The following SCUBE1 variants were observed in gnomAD, a reference collection of about 807,000 sequenced individuals.
SCUBE1 encodes the protein signal peptide, CUB domain and EGF like domain containing 1.
A neutral mutation model predicts 124.4 loss-of-function variants in SCUBE1; 59 were observed. That is an observed-to-expected ratio of 0.47 (90% CI 0.38 to 0.59). The LOEUF is 0.59. SCUBE1 is among the 20% of genes least tolerant of loss of function. SCUBE1 has a pLI of 0.00. For synonymous variants in SCUBE1, 545 were observed against 550.9 expected (o/e 0.99, Z 0.15); for missense variants, 1,150 against 1,371.2 (o/e 0.84, Z 2.55).
chr22:43,238,466 G>A (rs1332993813), intron 7 of SCUBE1: 11 of 557,598 alleles, frequency 2.0e-5, no homozygotes, highest in South Asian at 1.7e-4. Context: ...TCGGAAACGC[G>A]CTACATTCTA....
intron 1 of SCUBE1, among the ~76,000 whole-genome samples, chr22:43,340,964 G>A (rs1163517836): frequency 6.6e-6 from 1 of 152,132 alleles, no homozygotes; most frequent in Admixed American, 6.5e-5. Flanking sequence ...CTGCCAGTGG[G>A]GCCTATGAGA....
At chr22:43,235,553 G>A (rs1392237700) in intron 7 of SCUBE1, among the ~76,000 whole-genome samples, 1 of 152,188 alleles carries the variant, frequency 6.6e-6, no homozygotes, top group Non-Finnish European at 1.5e-5. Context: ...AGAGGGGGAA[G>A]AGGAAACAGG....
intron 2 of SCUBE1, among the ~76,000 whole-genome samples, chr22:43,330,050 TG>T (rs1279756732): frequency 3.4e-5 from 5 of 146,586 alleles, no homozygotes; most frequent in African/African-American, 1.3e-4. Context: ...CTGGGAGAAA[TG>T]GGGAATTAGA....
intron 7 of SCUBE1, chr22:43,233,731 T>C (rs1416336796): frequency 6.6e-6 from 1 of 152,252 alleles, no homozygotes; most frequent in Non-Finnish European, 1.5e-5. Flanking sequence ...TCACTTTTTC[T>C]TCTTCAAACC....
intron 6 of SCUBE1, 187 bp from the exon 7 acceptor site, chr22:43,239,141 T>C (rs945130064): frequency 1.0e-5 from 6 of 599,570 alleles, no homozygotes; most frequent in African/African-American, 1.9e-5. Flanking sequence ...GCTCCCCATC[T>C]GTGAAATGGG....
intron 2 of SCUBE1, among the ~76,000 whole-genome samples, chr22:43,325,322 A>G (rs1238859200): frequency 6.6e-6 from 1 of 152,066 alleles, no homozygotes; most frequent in Non-Finnish European, 1.5e-5. Flanking sequence ...GCATGCCTAT[A>G]ATCCCAGCTA....
intron 8 of SCUBE1, among the ~76,000 whole-genome samples, chr22:43,231,520 C>T (rs1327608474): frequency 3.3e-5 from 5 of 152,208 alleles, no homozygotes; most frequent in East Asian, 1.9e-4. Flanking sequence ...GCTGGGCCAC[C>T]GGCTCCCTCT....
At chr22:43,340,981 C>T (rs983476469) in intron 1 of SCUBE1, among the ~76,000 whole-genome samples, 1 of 152,142 alleles carries the variant, frequency 6.6e-6, no homozygotes, top group Admixed American at 6.5e-5. Flanking sequence ...GAGATCCATG[C>T]CCCCCAGGGC....
chr22:43,281,579 A>G (rs1456373832), intron 4 of SCUBE1, among the ~76,000 whole-genome samples: 1 of 107,782 alleles, frequency 9.3e-6, no homozygotes, highest in Non-Finnish European at 1.9e-5. Context: ...CCCTCCTGTC[A>G]CCTCCCTTCT....
chr22:43,332,705 C>A (rs1192373214), intron 2 of SCUBE1, among the ~76,000 whole-genome samples: 1 of 152,234 alleles, frequency 6.6e-6, no homozygotes, highest in Non-Finnish European at 1.5e-5. Flanking sequence ...GTGCAAGCCT[C>A]TGCTTCCTCA....
chr22:43,267,635 C>T (rs1924125202), intron 4 of SCUBE1, among the ~76,000 whole-genome samples: 1 of 152,200 alleles, frequency 6.6e-6, no homozygotes, highest in South Asian at 2.1e-4. Context: ...CATTCTAGCT[C>T]CTCACCAGAC....
At chr22:43,267,546 G>T (rs1216321289) in intron 4 of SCUBE1, among the ~76,000 whole-genome samples, 1 of 152,178 alleles carries the variant, frequency 6.6e-6, no homozygotes, top group African/African-American at 2.4e-5. Context: ...GGTCCCTGTG[G>T]AACAGTCCCT....
chr22:43,243,941 C>T (rs918957896), intron 6 of SCUBE1, among the ~76,000 whole-genome samples: 1 of 152,178 alleles, frequency 6.6e-6, no homozygotes, highest in Non-Finnish European at 1.5e-5. Flanking sequence ...TGATTATTAT[C>T]TGAACTTCCC....
chr22:43,198,959 G>C lies in SCUBE1; in HGVS notation c.*5038C>G. On this transcript the variant is annotated 3_prime_UTR_variant, in exon 22 of 22. Coordinates refer to ENST00000360835, the MANE Select transcript of SCUBE1 (RefSeq NM_173050.5). ...GTCTGTCTGTCTGCTGTCCGGGGCA[G>C]TTTTTCTGTCTGCTGTCCGGGGCAA... 2.7e-6 allele frequency: 1 copy of C among 364,322 alleles called. No individual in the cohort carries two copies. Among genetic ancestry groups the C allele is most frequent in the Non-Finnish European group, 5.3e-6 (1 of 187,154 alleles). The allele number at this position is 364,322 out of a possible 1,614,324, so 22.6% of individuals were successfully genotyped here. A position where few individuals can be genotyped will look rare whatever the true frequency, so the allele number is the denominator to read the frequency against.
At chr22:43,322,359 G>C (rs1408982860) in intron 2 of SCUBE1, among the ~76,000 whole-genome samples, 1 of 152,140 alleles carries the variant, frequency 6.6e-6, no homozygotes, top group Non-Finnish European at 1.5e-5. Context: ...CAGAGCCCCA[G>C]ATAGACTAAT....
chr22:43,258,983 T>C lies in SCUBE1; in HGVS notation c.611-648A>G, dbSNP rs1923772217. ...ACGGTTTTGAAAATCACCTAAATAA[T>C]AACCACGTTACATTGTTTTCGATGC... On this transcript the variant is annotated intron_variant, in intron 5 of 21. Transcript: ENST00000360835. This position sits in a 1 kb window ranked among gnomAD's most constrained non-coding sequence, Gnocchi z 5.0. Among the ~76,000 whole-genome samples the C allele has an allele frequency of 6.6e-6, 1 of 152,184 alleles. No individual in the cohort carries two copies. Among genetic ancestry groups the C allele is most frequent in the African/African-American group, 2.4e-5 (1 of 41,440 alleles).
intron 15 of SCUBE1, among the ~76,000 whole-genome samples, chr22:43,214,755 T>C (rs571312663): frequency 2.6e-5 from 4 of 152,184 alleles, no homozygotes; most frequent in African/African-American, 9.6e-5. Flanking sequence ...AGCGAGGAGA[T>C]GATGGGCTGA....
rs373835525 is a variant in SCUBE1, at chr22:43,227,428, C to T, written c.1153G>A (p.Glu385Lys). 2.2e-5 allele frequency: 35 copies of T among 1,613,022 alleles called. No individual in the cohort carries two copies. Among genetic ancestry groups the T allele is most frequent in the Middle Eastern group, 1.6e-4 (1 of 6,082 alleles). ...QGCVNTKGSY[E>K]CVCPPGRRLH... ...CGCCTCCCCGGGGGACAGACGCACT[C>T]GTAGCTGCCCTTGGTGTTGACGCAG... Residue 385 changes from glutamate to lysine, a missense_variant, in exon 10 of 22, where the codon GAG becomes AAG. By Grantham distance (56) the Glu-to-Lys change is moderately conservative (BLOSUM62 1). Coordinates refer to ENST00000360835, the MANE Select transcript of SCUBE1 (RefSeq NM_173050.5).
chr22:43,200,807 T>G lies in SCUBE1; in HGVS notation c.*3190A>C, dbSNP rs76212128. On this transcript the variant is annotated 3_prime_UTR_variant, in exon 22 of 22. Transcript: ENST00000360835. ...GGGAAAGCAGGATGAAGGCTGGGCC[T>G]CGTCTGCACCTGCCCATCCAACTTT... 6,619 of 152,386 alleles carry G rather than the reference T, an allele frequency of 0.043. 192 individuals carry two copies. The highest frequency in any genetic ancestry group is 0.089 in the South Asian group (430 of 4,834). The allele number at this position is 152,386 out of a possible 1,614,324, so 9.4% of individuals were successfully genotyped here.
Sources: gnomAD v4.1 joint callset for allele counts (sites outside exome capture counted in the v4.1 genomes callset) on GRCh38, gnomAD v4.1.1 for gene constraint, Gnocchi (gnomAD v3.1) non-coding constraint, MANE v1.5 for transcripts, NCBI Gene and HGNC (gene_info 2026-07-23, HGNC 2026-07-21) for gene names.